SIMC1: variants seen among roughly 807,000 people sequenced by gnomAD.
The protein encoded by SIMC1 is SUMO interacting motifs containing 1, also known as SUMO-interacting motif-containing protein 1.
SIMC1 carries 55 observed loss-of-function variants against 82.3 expected under a neutral mutation model. That is an observed-to-expected ratio of 0.67 (90% CI 0.54 to 0.84). The LOEUF is 0.84. Among genes scored for constraint, SIMC1 ranks in the 40% least tolerant of loss-of-function variants. The pLI, the probability that SIMC1 is intolerant of heterozygous loss-of-function variation, is 0.00. For synonymous variants in SIMC1, 353 were observed against 426.3 expected, an observed-to-expected ratio of 0.83 and a Z score of 2.12; for missense variants, 915 against 1,107.2, an observed-to-expected ratio of 0.83 and a Z score of 2.46.
chr5:176,251,318 C>G (rs991844544), intron 1 of SIMC1, among the ~76,000 whole-genome samples: 3 of 152,200 alleles, frequency 2.0e-5, no homozygotes, highest in Non-Finnish European at 4.4e-5. Flanking sequence ...CAAGGTCGTG[C>G]CACTGCACTC....
intron 1 of SIMC1, among the ~76,000 whole-genome samples, chr5:176,256,263 AATAT>A (rs1220243513): frequency 1.3e-5 from 2 of 152,228 alleles, no homozygotes; most frequent in South Asian, 2.1e-4. Context: ...ACATTGTTCT[AATAT>A]AGGAGACCAG....
At chr5:176,268,636 T>G (rs185564369) in intron 1 of SIMC1, among the ~76,000 whole-genome samples, 436 of 152,348 alleles carry the variant, frequency 2.9e-3, no homozygotes, top group Admixed American at 4.8e-3. Flanking sequence ...TTATAAGAAT[T>G]ACATGTGTAT....
chr5:176,241,265 A>G (rs1761265610), intron 1 of SIMC1, among the ~76,000 whole-genome samples: 1 of 82,702 alleles, frequency 1.2e-5, no homozygotes, highest in Non-Finnish European at 2.5e-5. Flanking sequence ...ATGTATAAAG[A>G]AGAAAATTAA....
At chr5:176,331,360 ACT>A (rs1486125273) in intron 7 of SIMC1, among the ~76,000 whole-genome samples, 1 of 109,354 alleles carries the variant, frequency 9.1e-6, no homozygotes, top group Non-Finnish European at 2.1e-5. Context: ...ACAGAGCGAG[ACT>A]CTGTCTAAAA....
intron 1 of SIMC1, among the ~76,000 whole-genome samples, chr5:176,244,940 C>G (rs1262908894): frequency 6.6e-6 from 1 of 152,012 alleles, no homozygotes; most frequent in Non-Finnish European, 1.5e-5. Flanking sequence ...AGGCTGGTCT[C>G]AAACTCCTGA....
chr5:176,305,141 G>GGT, intron 4 of SIMC1, among the ~76,000 whole-genome samples: 2 of 127,454 alleles, frequency 1.6e-5, no homozygotes, highest in African/African-American at 5.5e-5. Flanking sequence ...CCAGGAGGGG[G>GGT]GGGGGGTCAG....
intron 5 of SIMC1, among the ~76,000 whole-genome samples, chr5:176,321,885 C>CTTTTTTTTTTTTT (rs11418187): frequency 8.8e-5 from 8 of 90,730 alleles, no homozygotes; most frequent in Non-Finnish European, 1.4e-4. Flanking sequence ...TTTTAGTTAG[C>CTTTTTTTTTTTTT]TTTTTTTTTT....
At chr5:176,320,663 C>G (rs1156271894) in intron 5 of SIMC1, among the ~76,000 whole-genome samples, 1 of 152,162 alleles carries the variant, frequency 6.6e-6, no homozygotes, top group Non-Finnish European at 1.5e-5. Flanking sequence ...GCCACCATGC[C>G]TGGCCGCCAC....
chr5:176,305,075 A>C (rs367775482), intron 4 of SIMC1, among the ~76,000 whole-genome samples: 2 of 131,540 alleles, frequency 1.5e-5, no homozygotes, highest in African/African-American at 3.0e-5. Context: ...CCCGGCAGCC[A>C]CCCCGTCCGG....
At chr5:176,303,541 A>T (rs988640273) in intron 4 of SIMC1, among the ~76,000 whole-genome samples, 2 of 152,152 alleles carry the variant, frequency 1.3e-5, no homozygotes, top group African/African-American at 4.8e-5. Flanking sequence ...GCTGGTCTCG[A>T]ACTCCCGACC....
intron 5 of SIMC1, among the ~76,000 whole-genome samples, chr5:176,316,530 A>AC (rs930307260): frequency 7.3e-6 from 1 of 137,364 alleles, no homozygotes; most frequent in Admixed American, 7.3e-5. Context: ...AAAAAAAAAA[A>AC]CCCAAAAAAT....
chr5:176,334,439 A>G (rs1765798737), intron 7 of SIMC1, among the ~76,000 whole-genome samples: 1 of 152,150 alleles, frequency 6.6e-6, no homozygotes, highest in Non-Finnish European at 1.5e-5. Context: ...AATGTCCAGG[A>G]TATTCAGTGA....
chr5:176,264,840 T>G (rs1239648203), intron 1 of SIMC1, among the ~76,000 whole-genome samples: 1 of 152,144 alleles, frequency 6.6e-6, no homozygotes, highest in Non-Finnish European at 1.5e-5. Flanking sequence ...CCTATTCAGA[T>G]GTTGCTGGAA....
chr5:176,244,361 A>G (rs1761364123), intron 1 of SIMC1, among the ~76,000 whole-genome samples: 1 of 132,322 alleles, frequency 7.6e-6, no homozygotes, highest in Non-Finnish European at 1.6e-5. Flanking sequence ...CCAACTGGAG[A>G]TGCCAAGTAT....
chr5:176,293,703 A>G (rs1166585776), intron 2 of SIMC1, among the ~76,000 whole-genome samples: 1 of 151,590 alleles, frequency 6.6e-6, no homozygotes, highest in Non-Finnish European at 1.5e-5. Context: ...AGCCATGATC[A>G]TGCCACTGTG....
At chr5:176,244,756 T>C (rs533655997) in intron 1 of SIMC1, among the ~76,000 whole-genome samples, 1 of 146,696 alleles carries the variant, frequency 6.8e-6, no homozygotes, top group South Asian at 2.3e-4. Flanking sequence ...AGTTTCACTC[T>C]TGTTGCCCAG....
chr5:176,288,952 T>G (rs867377364), intron 1 of SIMC1, among the ~76,000 whole-genome samples: 23 of 152,230 alleles, frequency 1.5e-4, no homozygotes, highest in Non-Finnish European at 7.4e-5. Flanking sequence ...ATCGGAAGTT[T>G]TCATTAATTT....
chr5:176,339,578 T>C (rs1165236761), intron 9 of SIMC1, among the ~76,000 whole-genome samples: 2 of 152,222 alleles, frequency 1.3e-5, no homozygotes, highest in African/African-American at 2.4e-5. Flanking sequence ...AGTTCACCTT[T>C]AACATTTCTT....
intron 9 of SIMC1, among the ~76,000 whole-genome samples, chr5:176,340,694 C>G (rs371112225): frequency 6.6e-6 from 1 of 152,354 alleles, no homozygotes; most frequent in African/African-American, 2.4e-5. Context: ...TCTGCCCTCA[C>G]AGAGCTTACT....
Sources: gnomAD v4.1 joint callset for allele counts (sites outside exome capture counted in the v4.1 genomes callset) on GRCh38, gnomAD v4.1.1 for gene constraint, MANE v1.5 for transcripts, NCBI Gene and HGNC (gene_info 2026-07-23, HGNC 2026-07-21) for gene names.